Variants in DENND4C observed in about 807,000 individuals in gnomAD.
DENND4C encodes the protein DENN domain containing 4C.
In DENND4C, 108 loss-of-function variants were observed where a neutral mutation model predicts 203.0. The ratio of observed to expected loss-of-function variants is 0.53; its 90% CI spans 0.46 to 0.62. DENND4C has a LOEUF of 0.62. Among genes scored for constraint, DENND4C ranks in the 20% least tolerant of loss-of-function variants. DENND4C has a pLI of 0.00. For missense variants in DENND4C, 2,481 were observed against 2,301.2 expected (o/e 1.08, Z -1.60); for synonymous variants, 871 against 792.4 (o/e 1.10, Z -1.67).
intron 12 of DENND4C, 63 bp from the exon 13 acceptor site, chr9:19,324,299 T>G: frequency 2.4e-6 from 3 of 1,267,472 alleles, no homozygotes; most frequent in Non-Finnish European, 3.3e-6. Context: ...ACAAGTTTAA[T>G]GTTTCCTATA....
chr9:19,270,325 G>C (rs1831384883), intron 1 of DENND4C, among the ~76,000 whole-genome samples: 1 of 152,176 alleles, frequency 6.6e-6, no homozygotes, highest in Non-Finnish European at 1.5e-5. Flanking sequence ...ATCTAGCCAG[G>C]CTTGTGTTTT....
chr9:19,262,039 G>T (rs1829482604), intron 1 of DENND4C, among the ~76,000 whole-genome samples: 1 of 125,478 alleles, frequency 8.0e-6, no homozygotes, highest in Admixed American at 7.9e-5. Flanking sequence ...TTTGTATATT[G>T]ATTTTATATC....
intron 8 of DENND4C, among the ~76,000 whole-genome samples, chr9:19,299,710 T>C (rs1338440640): frequency 2.0e-5 from 3 of 152,240 alleles, no homozygotes; most frequent in African/African-American, 4.8e-5. Flanking sequence ...TTTTTACTTA[T>C]CTTCCTTTAG....
At chr9:19,319,266 TATATA>T (rs1236865055) in intron 12 of DENND4C, among the ~76,000 whole-genome samples, 4 of 146,384 alleles carry the variant, frequency 2.7e-5, no homozygotes, top group African/African-American at 1.0e-4. Flanking sequence ...TGTATAAACA[TATATA>T]GTATATATAA....
Position 19,335,114 on chromosome 9 carries a change from G to A in DENND4C, c.2589+9G>A, listed in dbSNP as rs376581635. 9.6e-5 allele frequency: 149 copies of A among 1,552,160 alleles called. No individual in the cohort carries two copies. Among genetic ancestry groups the A allele is most frequent in the South Asian group, 1.4e-4 (11 of 78,952 alleles). On this transcript the variant is annotated intron_variant, in intron 18 of 32. Coordinates refer to ENST00000434457, the MANE Select transcript of DENND4C (RefSeq NM_001330640.2). ...ATGGTTATTATAATAAGGTAAGTAG[G>A]ATCGACATTAGGCAAGATGTGGTGT... is the stretch of plus-strand genomic sequence containing the variant.
chr9:19,326,504 G>A (rs570217111), intron 15 of DENND4C, among the ~76,000 whole-genome samples: 47 of 152,158 alleles, frequency 3.1e-4, no homozygotes, highest in African/African-American at 1.1e-3. Flanking sequence ...TTGAAACAAA[G>A]ACTGTGAAAT....
At chr9:19,289,596 A>G (rs1835865281) in intron 4 of DENND4C, among the ~76,000 whole-genome samples, 1 of 152,146 alleles carries the variant, frequency 6.6e-6, no homozygotes, top group South Asian at 2.1e-4. Flanking sequence ...TGGGAGAGTG[A>G]GGCGGGCAGA....
chr9:19,347,697 T>G (rs1823213835), intron 23 of DENND4C, among the ~76,000 whole-genome samples: 1 of 152,236 alleles, frequency 6.6e-6, no homozygotes, highest in African/African-American at 2.4e-5. Context: ...ATTTTATAAT[T>G]CCATACACTA....
At chr9:19,299,671 A>G (rs145981891) in intron 8 of DENND4C, among the ~76,000 whole-genome samples, 1 of 152,224 alleles carries the variant, frequency 6.6e-6, no homozygotes, top group Non-Finnish European at 1.5e-5. Context: ...TTACCAGACT[A>G]TTTCACTATT....
chr9:19,252,345 CAT>C (rs774062511), intron 1 of DENND4C, among the ~76,000 whole-genome samples: 18 of 152,220 alleles, frequency 1.2e-4, no homozygotes, highest in African/African-American at 2.9e-4. Flanking sequence ...CCTCCCATGA[CAT>C]GTGGGAATTG....
At chr9:19,235,177 C>A (rs2131348527) in intron 1 of DENND4C, among the ~76,000 whole-genome samples, 1 of 152,042 alleles carries the variant, frequency 6.6e-6, no homozygotes, top group Middle Eastern at 3.4e-3. Context: ...GTTGGCCAGG[C>A]TGGTCTTGAA....
At chr9:19,248,138 A>G (rs73645582) in intron 1 of DENND4C, among the ~76,000 whole-genome samples, 9,640 of 152,140 alleles carry the variant, frequency 0.063, 572 homozygotes, top group African/African-American at 0.15. Context: ...ATAGTTTTTC[A>G]TCATATTTAG....
Position 19,276,535 on chromosome 9 carries a change from A to G in DENND4C, c.305+56A>G, listed in dbSNP as rs528354270. 4.8e-6 allele frequency: 5 copies of G among 1,043,084 alleles called. No individual in the cohort carries two copies. In the East Asian group the frequency reaches 9.7e-5, roughly 20 times the overall value. The allele number at this position is 1,043,084 out of a possible 1,614,324, so 64.6% of individuals were successfully genotyped here. ...AAGGAGTAAAATTTATTTAAGGGCC[A>G]TGGAAGTAGGAATTTGAAATCCTTG... is the stretch of plus-strand genomic sequence containing the variant. On this transcript the variant is annotated intron_variant, in intron 2 of 32. Transcript: ENST00000434457.
At chr9:19,370,029 T>A (rs760605508) in intron 31 of DENND4C, 42 bp downstream of exon 31, 1 of 1,606,114 alleles carries the variant, frequency 6.2e-7, no homozygotes, top group East Asian at 2.2e-5. Flanking sequence ...CTCAGTCATT[T>A]CATGTTTTTA....
intron 10 of DENND4C, among the ~76,000 whole-genome samples, chr9:19,308,001 T>C (rs7026213): frequency 0.011 from 1,720 of 152,182 alleles, 33 homozygotes; most frequent in African/African-American, 0.037. Flanking sequence ...TGCATACTTA[T>C]AAATTTTTTT....
In DENND4C at chr9:19,259,752, G is replaced by A. The variant is rs555674600; in HGVS notation, c.-17-16406G>A. Reference sequence around the variant, plus strand: ...ACTCCTGACCTCAGGTGATCCGCCCGCCTCGGCCTCCCACAATGCTGGGAT... The same window carrying A: ...ACTCCTGACCTCAGGTGATCCGCCCACCTCGGCCTCCCACAATGCTGGGAT... On this transcript the variant is annotated intron_variant, in intron 1 of 32. Transcript: ENST00000434457. 4.6e-5 allele frequency among the ~76,000 whole-genome samples: 7 copies of A among 152,138 alleles called. No homozygotes were observed. In the South Asian group the frequency reaches 6.2e-4, roughly 14 times the overall value.
chr9:19,287,840 C>T (rs1024902194), intron 3 of DENND4C, among the ~76,000 whole-genome samples: 1 of 152,174 alleles, frequency 6.6e-6, no homozygotes, highest in Non-Finnish European at 1.5e-5. Flanking sequence ...TCAAGCGATT[C>T]TCCTGTCTCA....
intron 17 of DENND4C, among the ~76,000 whole-genome samples, chr9:19,334,692 A>G (rs184599875): frequency 6.6e-6 from 1 of 150,986 alleles, no homozygotes; most frequent in East Asian, 2.0e-4. Flanking sequence ...TGCCCATCTA[A>G]TTTTTGTACT....
intron 1 of DENND4C, among the ~76,000 whole-genome samples, chr9:19,264,748 G>GT (rs943350934): frequency 2.0e-4 from 31 of 151,328 alleles, no homozygotes; most frequent in African/African-American, 4.6e-4. Context: ...AAAACACCAA[G>GT]TTTTTTTTTC....
Sources: gnomAD v4.1 joint callset for allele counts (sites outside exome capture counted in the v4.1 genomes callset) on GRCh38, gnomAD v4.1.1 for gene constraint, MANE v1.5 for transcripts, NCBI Gene and HGNC (gene_info 2026-07-23, HGNC 2026-07-21) for gene names.